Variants in CDH13 observed in about 807,000 individuals in gnomAD.
CDH13 encodes the protein cadherin-13.
A neutral mutation model predicts 63.8 loss-of-function variants in CDH13; 24 were observed. The ratio of observed to expected loss-of-function variants is 0.38; its 90% CI spans 0.27 to 0.53. CDH13 has a LOEUF of 0.53. Ranked by LOEUF, CDH13 falls within the 20% of genes least tolerant of loss-of-function variation. The probability of loss-of-function intolerance (pLI) is 0.85; values close to 1 mark genes in which losing one functional copy is unlikely to be tolerated. For synonymous variants in CDH13, 503 were observed against 355.3 expected, an observed-to-expected ratio of 1.42 and a Z score of -4.67; for missense variants, 1,049 against 903.1, an observed-to-expected ratio of 1.16 and a Z score of -2.07.
chr16:83,227,692 C>G (rs1469041111), intron 5 of CDH13, among the ~76,000 whole-genome samples: 1 of 152,098 alleles, frequency 6.6e-6, no homozygotes, highest in Admixed American at 6.5e-5. Context: ...GCTTTTTGGC[C>G]AGCTGAGTCT....
rs1433460355 is a variant in CDH13, at chr16:82,710,240, TAAATATATTTATATAAAATATA to T, written c.45+83114_45+83135del. ...ATATTTATATTCATAAATTTATATA[TAAATATATTTATATAAAATATA>T]AAATATATTTTATATGTTTAATTAT... On this transcript the variant is annotated intron_variant, in intron 1 of 13. Transcript: ENST00000567109. 8.9e-5 allele frequency among the ~76,000 whole-genome samples: 13 copies of T among 146,638 alleles called. No homozygotes were observed. The South Asian group carries it at 2.1e-3, about 24-fold the overall frequency.
intron 5 of CDH13, among the ~76,000 whole-genome samples, chr16:83,306,213 T>C (rs901188795): frequency 6.6e-6 from 1 of 152,212 alleles, no homozygotes; most frequent in Admixed American, 6.5e-5. Flanking sequence ...AAGTATTCTA[T>C]AAACAAGGGT....
intron 2 of CDH13, among the ~76,000 whole-genome samples, chr16:82,933,624 CT>C (rs1448376239): frequency 4.1e-4 from 62 of 152,282 alleles, no homozygotes; most frequent in Middle Eastern, 3.4e-3. Context: ...AGTCCATAGT[CT>C]GATTTGAGAC....
intron 2 of CDH13, 68 bp downstream of exon 2, chr16:82,858,541 G>C (rs1206161818): frequency 2.0e-6 from 2 of 981,162 alleles, no homozygotes; most frequent in African/African-American, 1.6e-5. Context: ...GTTTATGACT[G>C]TGTCTCAGGA....
intron 2 of CDH13, among the ~76,000 whole-genome samples, chr16:82,904,586 G>A (rs1353603248): frequency 6.6e-6 from 1 of 152,194 alleles, no homozygotes; most frequent in African/African-American, 2.4e-5. Context: ...TGCAGGGGTT[G>A]CGGAGAGAAA....
rs1474415587 is a variant in CDH13 at position 83,231,612 on chromosome 16, T to A, written c.636+14115T>A. On this transcript the variant is annotated intron_variant, in intron 5 of 13. Coordinates refer to ENST00000567109, the MANE Select transcript of CDH13 (RefSeq NM_001257.5). ...TGCAAACTGTGGCCTGCAGGCCCAC[T>A]CCATTTTCACCCACTCATTGCATAT... Among the ~76,000 whole-genome samples the A allele has an allele frequency of 2.6e-5, 4 of 152,108 alleles. No homozygotes were observed. The South Asian group carries it at 8.3e-4, about 32-fold the overall frequency.
chr16:82,685,983 T>G (rs559267781), intron 1 of CDH13, among the ~76,000 whole-genome samples: 1 of 152,310 alleles, frequency 6.6e-6, no homozygotes, highest in South Asian at 2.1e-4. Context: ...GAGCTGATAA[T>G]TAAGGTAGGA....
Position 83,795,767 on chromosome 16 carries a change from C to G in CDH13, c.*737C>G, listed in dbSNP as rs1412270277. The G allele has an allele frequency of 6.6e-6, 1 of 152,564 alleles. No homozygotes were observed. Among genetic ancestry groups the G allele is most frequent in the East Asian group, 1.9e-4 (1 of 5,200 alleles). 9.5% of individuals were successfully genotyped at this position (152,564 alleles called of 1,614,324 possible). ...GTGAGGAGCAGAGCAGGCAATTTCA[C>G]CACCAAATGCCAAGAAAAGGGCTGA... On this transcript the variant is annotated 3_prime_UTR_variant, in exon 14 of 14. Transcript: ENST00000567109.
At chr16:83,748,859 A>G (rs1912833699) in intron 11 of CDH13, among the ~76,000 whole-genome samples, 1 of 152,236 alleles carries the variant, frequency 6.6e-6, no homozygotes. Context: ...GCAAAGTTCA[A>G]AGTGCCACGA....
chr16:83,786,944 A>G (rs1190506131), intron 13 of CDH13, among the ~76,000 whole-genome samples: 10 of 152,162 alleles, frequency 6.6e-5, no homozygotes, highest in Admixed American at 6.5e-4. Context: ...AAAATTGCCT[A>G]TGTTTCTCTG....
intron 11 of CDH13, among the ~76,000 whole-genome samples, chr16:83,765,263 A>C (rs919211377): frequency 6.6e-6 from 1 of 152,200 alleles, no homozygotes; most frequent in Non-Finnish European, 1.5e-5. Flanking sequence ...GAATAAAATG[A>C]AACTGTCATG....
chr16:82,702,922 G>A (rs1272235550), intron 1 of CDH13, among the ~76,000 whole-genome samples: 1 of 152,030 alleles, frequency 6.6e-6, no homozygotes, highest in South Asian at 2.1e-4. Flanking sequence ...TCATTGGTTG[G>A]CTATGAAGTA....
chr16:82,953,053 C>G (rs1437093983), intron 2 of CDH13, among the ~76,000 whole-genome samples: 1 of 152,170 alleles, frequency 6.6e-6, no homozygotes, highest in Non-Finnish European at 1.5e-5. Context: ...ATTAGATATC[C>G]TCTTTGCTGT....
chr16:82,937,098 A>G (rs1055699033), intron 2 of CDH13, among the ~76,000 whole-genome samples: 1 of 152,188 alleles, frequency 6.6e-6, no homozygotes, highest in Non-Finnish European at 1.5e-5. Context: ...TTTTAAGAAA[A>G]TAGAAATAGT....
chr16:82,627,201 G>T, intron 1 of CDH13, 64 bp downstream of exon 1: 7 of 1,459,880 alleles, frequency 4.8e-6, no homozygotes, highest in Non-Finnish European at 5.7e-6. Flanking sequence ...CGCCCGGCAC[G>T]GGCAGGGTGA....
At chr16:82,925,102 T>C (rs2042264453) in intron 2 of CDH13, among the ~76,000 whole-genome samples, 1 of 152,154 alleles carries the variant, frequency 6.6e-6, no homozygotes, top group Non-Finnish European at 1.5e-5. Flanking sequence ...CCAGACTTCA[T>C]GCTGCAAGAT....
chr16:83,388,364 G>A (rs948555746), intron 6 of CDH13, among the ~76,000 whole-genome samples: 16 of 151,942 alleles, frequency 1.1e-4, no homozygotes, highest in Non-Finnish European at 1.9e-4. Context: ...GAGGTGGGAG[G>A]ATCGCTTGGG....
chr16:83,127,600 G>A (rs1018567192), intron 4 of CDH13, among the ~76,000 whole-genome samples: 13 of 152,060 alleles, frequency 8.5e-5, no homozygotes, highest in African/African-American at 2.7e-4. Context: ...GTCATGGCAC[G>A]CCTGTAATCC....
intron 2 of CDH13, among the ~76,000 whole-genome samples, chr16:82,880,458 G>C (rs950750738): frequency 6.6e-6 from 1 of 152,144 alleles, no homozygotes; most frequent in Non-Finnish European, 1.5e-5. Flanking sequence ...CACATAGAAA[G>C]GTGATTTGAA....
Sources: gnomAD v4.1 joint callset for allele counts (sites outside exome capture counted in the v4.1 genomes callset) on GRCh38, gnomAD v4.1.1 for gene constraint, MANE v1.5 for transcripts, NCBI Gene and HGNC (gene_info 2026-07-23, HGNC 2026-07-21) for gene names.